The following ZBBX variants were observed in gnomAD, a reference collection of about 807,000 sequenced individuals.
ZBBX encodes the protein zinc finger B-box domain containing.
A neutral mutation model predicts 108.5 loss-of-function variants in ZBBX; 101 were observed. The ratio of observed to expected loss-of-function variants is 0.93; its 90% CI spans 0.79 to 1.10. The LOEUF (loss-of-function observed/expected upper bound fraction) is 1.10, where lower values mean the gene tolerates loss of function less well. Among genes scored for constraint, ZBBX ranks in the 50% least tolerant of loss-of-function variants. ZBBX has a pLI of 0.00. For missense variants in ZBBX, 1,009 were observed against 941.4 expected (o/e 1.07, Z -0.94); for synonymous variants, 356 against 323.4 (o/e 1.10, Z -1.08).
At chr3:167,407,409 T>C (rs914399523) in intron 1 of ZBBX, among the ~76,000 whole-genome samples, 1 of 152,100 alleles carries the variant, frequency 6.6e-6, no homozygotes, top group Non-Finnish European at 1.5e-5. Context: ...AAACTGAATA[T>C]GTAAGTACAG....
At chr3:167,404,142 A>G (rs999354851) in intron 1 of ZBBX, among the ~76,000 whole-genome samples, 1 of 152,170 alleles carries the variant, frequency 6.6e-6, no homozygotes, top group Non-Finnish European at 1.5e-5. Flanking sequence ...GGCTATATGA[A>G]TAGCCAACAA....
At chr3:167,257,611 A>C (rs1723752254) in intron 20 of ZBBX, among the ~76,000 whole-genome samples, 1 of 152,068 alleles carries the variant, frequency 6.6e-6, no homozygotes, top group Non-Finnish European at 1.5e-5. Context: ...AACTTTATCA[A>C]ATGGTTTTTC....
intron 1 of ZBBX, among the ~76,000 whole-genome samples, chr3:167,390,945 A>G (rs1430068100): frequency 6.6e-6 from 1 of 152,080 alleles, no homozygotes; most frequent in Non-Finnish European, 1.5e-5. Flanking sequence ...AGATAATTTG[A>G]CTTCCTCTCT....
At chr3:167,183,085 C>T in the ZBBX span, among the ~76,000 whole-genome samples, 2 of 152,176 alleles carry the variant, frequency 1.3e-5, no homozygotes, top group Non-Finnish European at 2.9e-5. Context: ...CACTCTTTTT[C>T]TTCAAAATAA....
the ZBBX span, among the ~76,000 whole-genome samples, chr3:167,191,934 T>TATATATATATAG: frequency 4.6e-5 from 6 of 130,220 alleles, no homozygotes; most frequent in African/African-American, 1.5e-4. Context: ...TATATATATA[T>TATATATATATAG]AGAGCAAGTT....
chr3:167,398,060 A>C lies in ZBBX; in HGVS notation c.-446+9666T>G, dbSNP rs182593637. On this transcript the variant is annotated intron_variant, in intron 1 of 21. Coordinates refer to the ZBBX transcript ENST00000455345. ...TTTTGTTCTGGCACTTTGTTTCATG[A>C]ATGTGCTACAAGATGAGAAAAAAAA... is the stretch of plus-strand genomic sequence containing the variant. Among the ~76,000 whole-genome samples the C allele has an allele frequency of 7.9e-5, 12 of 151,990 alleles. No homozygotes were observed. In the South Asian group the frequency reaches 8.3e-4, roughly 11 times the overall value.
intron 20 of ZBBX, among the ~76,000 whole-genome samples, chr3:167,266,719 C>T (rs573816444): frequency 6.6e-6 from 1 of 152,184 alleles, no homozygotes; most frequent in African/African-American, 2.4e-5. Context: ...GTGAGTGGCA[C>T]CCTTTTGCAA....
intron 17 of ZBBX, among the ~76,000 whole-genome samples, chr3:167,300,775 G>T (rs1279529116): frequency 1.3e-5 from 2 of 151,682 alleles, no homozygotes; most frequent in African/African-American, 4.8e-5. Flanking sequence ...CTGCCACCAC[G>T]CCCAGCTAAT....
chr3:167,399,074 T>A (rs1260757916), intron 1 of ZBBX, among the ~76,000 whole-genome samples: 1 of 149,188 alleles, frequency 6.7e-6, no homozygotes, highest in Non-Finnish European at 1.5e-5. Flanking sequence ...CCAAGAAGGC[T>A]CTCACCGGAT....
intron 12 of ZBBX, 96 bp from the exon 13 acceptor site, chr3:167,317,693 A>G (rs1735691584): frequency 2.8e-6 from 2 of 717,642 alleles, no homozygotes; most frequent in Non-Finnish European, 4.6e-6. Context: ...GAATGAGTAT[A>G]CAAAATTAAT....
intron 5 of ZBBX, among the ~76,000 whole-genome samples, chr3:167,367,659 A>G (rs536209086): frequency 4.7e-4 from 71 of 151,538 alleles, no homozygotes; most frequent in Non-Finnish European, 9.2e-4. Context: ...ATTCACACAC[A>G]TGTATATACG....
chr3:167,223,858 A>G, the ZBBX span, among the ~76,000 whole-genome samples: 1 of 151,986 alleles, frequency 6.6e-6, no homozygotes, highest in African/African-American at 2.4e-5. Flanking sequence ...ATTGCTCCAC[A>G]TATAAACTGT....
chr3:167,193,932 C>T, the ZBBX span, among the ~76,000 whole-genome samples: 1 of 151,902 alleles, frequency 6.6e-6, no homozygotes, highest in Non-Finnish European at 1.5e-5. Context: ...TGGTTGGTCT[C>T]ATGGAAGTAG....
intron 8 of ZBBX, among the ~76,000 whole-genome samples, chr3:167,359,168 A>G (rs1476644361): frequency 6.6e-6 from 1 of 152,134 alleles, no homozygotes; most frequent in Non-Finnish European, 1.5e-5. Context: ...ACATGGATGA[A>G]TCATGTGGAG....
chr3:167,327,913 C>CAAAAAAAAAAA, intron 11 of ZBBX, 29 bp downstream of exon 11: 1 of 977,360 alleles, frequency 1.0e-6, no homozygotes, highest in Non-Finnish European at 1.3e-6. Context: ...GACTCTGTCT[C>CAAAAAAAAAAA]AAAAAAAAAA....
intron 1 of ZBBX, among the ~76,000 whole-genome samples, chr3:167,395,167 T>C (rs1748190360): frequency 6.6e-6 from 1 of 151,986 alleles, no homozygotes; most frequent in Admixed American, 6.6e-5. Flanking sequence ...AAGGCCAAGA[T>C]TGAAATGGAA....
chr3:167,227,925 G>A, the ZBBX span, among the ~76,000 whole-genome samples: 26 of 151,738 alleles, frequency 1.7e-4, no homozygotes, highest in African/African-American at 5.8e-4. Context: ...TGTGTTGTCT[G>A]TAAGGCTAGA....
chr3:167,389,458 T>G (rs1395674398), intron 1 of ZBBX, among the ~76,000 whole-genome samples: 2 of 152,164 alleles, frequency 1.3e-5, no homozygotes, highest in African/African-American at 4.8e-5. Context: ...TGTGTCTTTA[T>G]AGTAGAATGA....
At chr3:167,276,294 C>T (rs555603521) in intron 20 of ZBBX, among the ~76,000 whole-genome samples, 38 of 151,508 alleles carry the variant, frequency 2.5e-4, no homozygotes, top group Admixed American at 8.5e-4. Context: ...AATTACTCCG[C>T]GCTACGGGAG....
Sources: gnomAD v4.1 joint callset for allele counts (sites outside exome capture counted in the v4.1 genomes callset) on GRCh38, gnomAD v4.1.1 for gene constraint, MANE v1.5 for transcripts, NCBI Gene and HGNC (gene_info 2026-07-23, HGNC 2026-07-21) for gene names.